The following UBE2U variants were observed in gnomAD, a reference collection of about 807,000 sequenced individuals.
UBE2U encodes ubiquitin conjugating enzyme E2 U, also known as ubiquitin-conjugating enzyme E2 U.
UBE2U carries 39 observed loss-of-function variants against 41.2 expected under a neutral mutation model. The observed-to-expected ratio is 0.95, with a 90% CI of 0.73 to 1.24. The LOEUF (loss-of-function observed/expected upper bound fraction) is 1.24, where lower values mean the gene tolerates loss of function less well. UBE2U is among the 50% of genes most tolerant of loss of function. The pLI is 0.00. For missense variants in UBE2U, 336 were observed against 363.1 expected (o/e 0.93, Z 0.61); for synonymous variants, 107 against 117.8 (o/e 0.91, Z 0.60).
intron 6 of UBE2U, among the ~76,000 whole-genome samples, chr1:64,226,014 A>G (rs945098942): frequency 2.0e-5 from 3 of 152,236 alleles, no homozygotes; most frequent in Admixed American, 6.5e-5. Flanking sequence ...ACTCCTAAGT[A>G]TATACCTAAA....
intron 2 of UBE2U, among the ~76,000 whole-genome samples, chr1:64,206,289 C>T (rs1651291439): frequency 6.6e-6 from 1 of 151,848 alleles, no homozygotes; most frequent in African/African-American, 2.4e-5. Context: ...GGATTTTGAA[C>T]AGAATGCTAA....
chr1:64,231,344 C>G (rs191733428), intron 6 of UBE2U, among the ~76,000 whole-genome samples: 37 of 152,270 alleles, frequency 2.4e-4, no homozygotes, highest in Middle Eastern at 3.4e-3. Context: ...TCTGTGACAG[C>G]AAATTGATCA....
intron 8 of UBE2U, among the ~76,000 whole-genome samples, chr1:64,248,261 G>C (rs990226140): frequency 1.3e-5 from 2 of 151,958 alleles, no homozygotes; most frequent in Non-Finnish European, 2.9e-5. Flanking sequence ...AGAGAAATAC[G>C]ATACATGGGT....
At chr1:64,205,519 C>A in intron 1 of UBE2U, 120 bp from the exon 2 acceptor site, 3 of 783,376 alleles carry the variant, frequency 3.8e-6, no homozygotes, top group Non-Finnish European at 6.1e-6. Context: ...AATAAATAAA[C>A]TTATCAAGGA....
At chr1:64,239,086 G>GAAGAAGAAGAA (rs1644735040) in intron 7 of UBE2U, among the ~76,000 whole-genome samples, 7 of 44,142 alleles carry the variant, frequency 1.6e-4, no homozygotes, top group Admixed American at 3.2e-4. Context: ...AAGAGGAAGA[G>GAAGAAGAAGAA]GAAGAGGAAG....
In UBE2U at chr1:64,239,157, A is replaced by AAGAAGGAAGAAGAAGAAGAAG; in HGVS notation, c.596-2494_596-2493insGAAGGAAGAAGAAGAAGAAGA. Among the ~76,000 whole-genome samples the AAGAAGGAAGAAGAAGAAGAAG allele has an allele frequency of 3.2e-4, 12 of 37,066 alleles. 1 individual carries two copies. Among genetic ancestry groups the AAGAAGGAAGAAGAAGAAGAAG allele is most frequent in the Non-Finnish European group, 4.7e-4 (8 of 17,122 alleles). The allele number at this position is 37,066 out of a possible 152,430, so 24.3% of individuals were successfully genotyped here. ...GAAGAAGAAGAAGAAGAAGAAGAAG[A>AAGAAGGAAGAAGAAGAAGAAG]AAGAAGAAGAAGAAGAAGAAGAAGA... On this transcript the variant is annotated intron_variant, in intron 7 of 9. Transcript: ENST00000371077.
At chr1:64,222,542 C>T (rs148714021) in intron 6 of UBE2U, among the ~76,000 whole-genome samples, 7 of 152,088 alleles carry the variant, frequency 4.6e-5, no homozygotes, top group African/African-American at 1.7e-4. Context: ...CCTAGAGAAG[C>T]CTTTAGGTAA....
chr1:64,210,739 C>A lies in UBE2U; in HGVS notation c.242-3C>A. On this transcript the variant is annotated splice_region_variant and splice_polypyrimidine_tract_variant and intron_variant, in intron 3 of 9. Transcript: ENST00000371077. ...CAAATATTAATGTATTATTTTAATA[C>A]AGTAGACCCACACACTGGTCAGCCC... The A allele has an allele frequency of 6.5e-7, 1 of 1,532,774 alleles. No individual in the cohort carries two copies. The highest frequency in any genetic ancestry group is 8.8e-7 in the Non-Finnish European group (1 of 1,136,456). 94.9% of individuals were successfully genotyped at this position (1,532,774 alleles called of 1,614,324 possible). A position where few individuals can be genotyped will look rare whatever the true frequency, so the allele number is the denominator to read the frequency against.
intron 3 of UBE2U, among the ~76,000 whole-genome samples, chr1:64,207,755 G>A (rs916198789): frequency 2.0e-5 from 3 of 152,134 alleles, no homozygotes; most frequent in South Asian, 2.1e-4. Context: ...TGAGGAAGAC[G>A]TTTCTCAGCA....
chr1:64,217,446 T>C (rs1419082307), intron 5 of UBE2U, among the ~76,000 whole-genome samples: 1 of 152,214 alleles, frequency 6.6e-6, no homozygotes, highest in Non-Finnish European at 1.5e-5. Context: ...CTTTCATAGG[T>C]TTCATATGAG....
intron 4 of UBE2U, among the ~76,000 whole-genome samples, chr1:64,212,257 C>A (rs1234192143): frequency 1.3e-5 from 2 of 152,122 alleles, no homozygotes; most frequent in African/African-American, 4.8e-5. Flanking sequence ...TGATCTCATC[C>A]ACCTAAACTA....
chr1:64,238,314 G>A (rs1644707690), intron 7 of UBE2U, among the ~76,000 whole-genome samples: 1 of 151,632 alleles, frequency 6.6e-6, no homozygotes, highest in South Asian at 2.1e-4. Flanking sequence ...TGAGGCATGA[G>A]AATCACTTGA....
At chr1:64,265,679 A>G (rs770647859) in intron 9 of UBE2U, among the ~76,000 whole-genome samples, 2 of 152,146 alleles carry the variant, frequency 1.3e-5, no homozygotes, top group Admixed American at 1.3e-4. Context: ...TCCGGGTTCA[A>G]GTGAGTCTCC....
chr1:64,250,935 T>C (rs866746730), intron 8 of UBE2U, among the ~76,000 whole-genome samples: 3 of 129,468 alleles, frequency 2.3e-5, no homozygotes, highest in Non-Finnish European at 4.9e-5. Context: ...AGGGGGGAGG[T>C]ATAGCATTAG....
chr1:64,241,144 T>C (rs1644828457), intron 7 of UBE2U, among the ~76,000 whole-genome samples: 4 of 152,214 alleles, frequency 2.6e-5, no homozygotes, highest in Admixed American at 2.6e-4. Context: ...TTACTTTCCT[T>C]GTAAGGGTTA....
At chr1:64,252,925 A>G (rs973260973) in intron 8 of UBE2U, among the ~76,000 whole-genome samples, 1 of 152,190 alleles carries the variant, frequency 6.6e-6, no homozygotes, top group African/African-American at 2.4e-5. Context: ...GGTTGAATTG[A>G]CAGAAGTAGG....
At chr1:64,205,782 CT>C in intron 2 of UBE2U, 62 bp downstream of exon 2, 1 of 1,365,282 alleles carries the variant, frequency 7.3e-7, no homozygotes. Flanking sequence ...TTAGCCCATC[CT>C]CTTTTTATGT....
chr1:64,241,703 A>G lies in UBE2U; in HGVS notation c.647A>G (p.Asp216Gly). The part of the protein sequence containing the change: ...IGQYYKWKKM[D>G]LQHQKEWNLK... ...CAGTATTACAAATGGAAGAAAATGG[A>G]TCTACAGCATCAGAAAGAATGGAAT... Residue 216 changes from aspartate (D) to glycine (G), a missense_variant, in exon 8 of 10, where the codon GAT becomes GGT. By Grantham distance (94) the Asp-to-Gly change is moderately conservative. Transcript: ENST00000371077. 6.2e-7 allele frequency: 1 copy of G among 1,609,788 alleles called. No homozygotes were observed. Among genetic ancestry groups the G allele is most frequent in the Non-Finnish European group, 8.5e-7 (1 of 1,178,134 alleles).
intron 7 of UBE2U, among the ~76,000 whole-genome samples, chr1:64,239,677 G>A (rs1480773535): frequency 6.6e-6 from 1 of 151,910 alleles, no homozygotes; most frequent in Non-Finnish European, 1.5e-5. Flanking sequence ...CTTCATCCGT[G>A]TCCCTACAAA....
Sources: allele counts gnomAD v4.1 joint callset (sites outside exome capture counted in the v4.1 genomes callset), GRCh38; gene constraint gnomAD v4.1.1; transcripts MANE v1.5; gene names NCBI Gene and HGNC (gene_info 2026-07-23, HGNC 2026-07-21).